Variants in ADAMTSL1 observed in about 807,000 individuals in gnomAD.
The protein encoded by ADAMTSL1 is ADAMTS-like protein 1.
A neutral mutation model predicts 201.8 loss-of-function variants in ADAMTSL1; 126 were observed. The observed-to-expected ratio is 0.62, with a 90% confidence interval of 0.54 to 0.72. The LOEUF is 0.72. Among genes scored for constraint, ADAMTSL1 ranks in the 30% least tolerant of loss-of-function variants. ADAMTSL1 has a pLI of 0.00. For synonymous variants in ADAMTSL1, 1,121 were observed against 903.4 expected (o/e 1.24, Z -4.32); for missense variants, 2,679 against 2,277.8 (o/e 1.18, Z -3.59).
chr9:18,382,950 A>C (rs1837621309), intron 2 of ADAMTSL1, among the ~76,000 whole-genome samples: 1 of 152,228 alleles, frequency 6.6e-6, no homozygotes, highest in African/African-American at 2.4e-5. Context: ...GTAAGATCGC[A>C]CTGAAACAGA....
intron 1 of ADAMTSL1, among the ~76,000 whole-genome samples, chr9:18,126,062 A>G (rs1341758861): frequency 6.6e-6 from 1 of 152,228 alleles, no homozygotes; most frequent in Non-Finnish European, 1.5e-5. Flanking sequence ...TGGAGCTGAC[A>G]CATCACTCAC....
At chr9:18,061,128 G>T (rs1822435954) in intron 1 of ADAMTSL1, among the ~76,000 whole-genome samples, 1 of 152,120 alleles carries the variant, frequency 6.6e-6, no homozygotes, top group Non-Finnish European at 1.5e-5. Flanking sequence ...GGCAGGGGTT[G>T]GAGGGATAGA....
At chr9:17,946,058 ATG>A (rs769591352) in intron 1 of ADAMTSL1, among the ~76,000 whole-genome samples, 8 of 148,262 alleles carry the variant, frequency 5.4e-5, no homozygotes, top group African/African-American at 1.5e-4. Flanking sequence ...CATGATGTGT[ATG>A]TGTGTGTGTG....
At chr9:18,635,086 A>G (rs901112824) in intron 5 of ADAMTSL1, among the ~76,000 whole-genome samples, 2 of 151,486 alleles carry the variant, frequency 1.3e-5, no homozygotes, top group African/African-American at 4.8e-5. Context: ...TCATCAGAAA[A>G]TCCTCTGTGC....
At chr9:18,444,444 C>G in intron 2 of ADAMTSL1, among the ~76,000 whole-genome samples, 1 of 152,072 alleles carries the variant, frequency 6.6e-6, no homozygotes, top group Non-Finnish European at 1.5e-5. Context: ...ATTCATGGTT[C>G]TCCAATGTTG....
At chr9:18,850,378 A>G (rs1291540409) in intron 23 of ADAMTSL1, among the ~76,000 whole-genome samples, 2 of 152,226 alleles carry the variant, frequency 1.3e-5, no homozygotes, top group East Asian at 1.9e-4. Flanking sequence ...GCCCTTGAGA[A>G]TATCTACTCT....
chr9:18,309,800 C>T (rs1180495466), intron 2 of ADAMTSL1, among the ~76,000 whole-genome samples: 1 of 151,840 alleles, frequency 6.6e-6, no homozygotes, highest in East Asian at 1.9e-4. Flanking sequence ...ATCAAGCTAC[C>T]ACTGACTTTC....
At chr9:18,404,409 G>T (rs1236841122) in intron 2 of ADAMTSL1, among the ~76,000 whole-genome samples, 1 of 152,176 alleles carries the variant, frequency 6.6e-6, no homozygotes, top group Non-Finnish European at 1.5e-5. Context: ...ATAGCTCAAA[G>T]AATGCAGGTT....
chr9:18,297,900 C>T (rs1294368590), intron 2 of ADAMTSL1, among the ~76,000 whole-genome samples: 2 of 152,156 alleles, frequency 1.3e-5, no homozygotes, highest in East Asian at 3.8e-4. Context: ...CATTTGGTAT[C>T]CTTTTGGAGC....
chr9:18,147,907 T>C (rs1826718900), intron 1 of ADAMTSL1, among the ~76,000 whole-genome samples: 1 of 152,118 alleles, frequency 6.6e-6, no homozygotes, highest in Non-Finnish European at 1.5e-5. Flanking sequence ...ATATTGGAGA[T>C]ACCAGCTTCT....
At chr9:18,515,964 A>T (rs781371980) in intron 2 of ADAMTSL1, among the ~76,000 whole-genome samples, 4 of 151,990 alleles carry the variant, frequency 2.6e-5, no homozygotes, top group Admixed American at 2.0e-4. Context: ...AGTTTATGCA[A>T]ATTCTCTGAG....
chr9:18,101,751 C>T (rs970476507), intron 1 of ADAMTSL1, among the ~76,000 whole-genome samples: 4 of 152,068 alleles, frequency 2.6e-5, no homozygotes, highest in Middle Eastern at 3.2e-3. Flanking sequence ...GTATTAGGTT[C>T]GAGTAAGAAG....
At chr9:18,262,505 G>C (rs2132539554) in intron 2 of ADAMTSL1, among the ~76,000 whole-genome samples, 1 of 152,294 alleles carries the variant, frequency 6.6e-6, no homozygotes, top group African/African-American at 2.4e-5. Flanking sequence ...TTCTTCAGGG[G>C]ATAGAGTACC....
intron 1 of ADAMTSL1, among the ~76,000 whole-genome samples, chr9:18,085,078 G>C (rs945293225): frequency 2.0e-5 from 3 of 152,168 alleles, no homozygotes; most frequent in Admixed American, 6.5e-5. Flanking sequence ...GAGCATGCTA[G>C]TGTGTTTAAT....
intron 1 of ADAMTSL1, among the ~76,000 whole-genome samples, chr9:18,104,332 A>T (rs777976362): frequency 6.6e-6 from 1 of 152,144 alleles, no homozygotes; most frequent in Admixed American, 6.5e-5. Context: ...TTTTCACCCA[A>T]ATAAAGGGAC....
intron 23 of ADAMTSL1, among the ~76,000 whole-genome samples, chr9:18,848,359 G>T (rs183792000): frequency 6.6e-6 from 1 of 152,264 alleles, no homozygotes; most frequent in Non-Finnish European, 1.5e-5. Flanking sequence ...AATAGAAGCT[G>T]GAATGGAAAT....
chr9:18,437,149 T>C (rs892609706), intron 2 of ADAMTSL1, among the ~76,000 whole-genome samples: 1 of 151,930 alleles, frequency 6.6e-6, no homozygotes, highest in African/African-American at 2.4e-5. Flanking sequence ...GCATCAAAAC[T>C]GAACTCACTA....
rs1246103139 is a variant in ADAMTSL1, at chr9:18,635,950, T to C, written c.609T>C (p.Asp203=). ...KSQLSATKSD[D]TVVAIPYGSR... ...TGCTTTGTTTCTCTCTAGCGGATGA[T>C]ACTGTGGTTGCAATTCCCTATGGAA... Residue 203 remains aspartate, a synonymous_variant, in exon 6 of 29, where the codon GAT becomes GAC. Transcript: ENST00000380548. The C allele has an allele frequency of 3.7e-6, 6 of 1,601,766 alleles. No individual in the cohort carries two copies. In the Admixed American group the frequency reaches 7.2e-5, roughly 19 times the overall value.
chr9:18,210,430 T>A, intron 2 of ADAMTSL1, among the ~76,000 whole-genome samples: 1 of 136,638 alleles, frequency 7.3e-6, no homozygotes, highest in African/African-American at 2.5e-5. Context: ...TATTAATAAA[T>A]ATATTATGTA....
Sources: allele counts gnomAD v4.1 joint callset (sites outside exome capture counted in the v4.1 genomes callset), GRCh38; gene constraint gnomAD v4.1.1; transcripts MANE v1.5; gene names NCBI Gene and HGNC (gene_info 2026-07-23, HGNC 2026-07-21).